The following PLA2G15 variants were observed in gnomAD, a reference collection of about 807,000 sequenced individuals.
The protein encoded by PLA2G15 is lysosomal phospholipase A and acyltransferase.
PLA2G15 carries 20 observed loss-of-function variants against 40.9 expected under a neutral mutation model. The observed-to-expected ratio is 0.49, with a 90% CI of 0.34 to 0.71. The LOEUF (loss-of-function observed/expected upper bound fraction) is 0.71. Among genes scored for constraint, PLA2G15 ranks in the 30% least tolerant of loss-of-function variants. The pLI, the probability that PLA2G15 is intolerant of heterozygous loss-of-function variation, is 0.01. For missense variants in PLA2G15, 471 were observed against 541.9 expected, an observed-to-expected ratio of 0.87 and a Z score of 1.30; for synonymous variants, 223 against 228.2, an observed-to-expected ratio of 0.98 and a Z score of 0.21.
intron 1 of PLA2G15, among the ~76,000 whole-genome samples, chr16:68,248,034 T>C (rs1273565167): frequency 6.6e-6 from 1 of 152,194 alleles, no homozygotes; most frequent in Non-Finnish European, 1.5e-5. Flanking sequence ...GGGCCTGGAC[T>C]GTGGTGATAA....
chr16:68,256,940 A>G (rs2151205863), intron 5 of PLA2G15, among the ~76,000 whole-genome samples: 1 of 148,852 alleles, frequency 6.7e-6, no homozygotes, highest in South Asian at 2.1e-4. Context: ...GGAGTGCAGT[A>G]GCGTGATTTT....
At position 68,259,454 on chromosome 16, in the gene PLA2G15, A is replaced by T. The variant is rs758553268; in HGVS notation, c.1036A>T (p.Ser346Cys). 1.1e-5 allele frequency: 18 copies of T among 1,613,592 alleles called. No homozygotes were observed. Among genetic ancestry groups the T allele is most frequent in the Non-Finnish European group, 1.4e-5 (17 of 1,179,980 alleles). Residue 346 changes from serine to cysteine, a missense_variant, in exon 6 of 6, where the codon AGC becomes TGC. Transcript: ENST00000219345. The surrounding 1 kb of genome is among the most constrained non-coding windows in gnomAD (Gnocchi z 6.5). The part of the protein sequence containing the change: ...VPTPDSFYYE[S>C]FPDRDPKICF... ...CACACCAGACTCCTTCTACTATGAGAGCTTCCCTGACCGTGACCCTAAAAT... is the reference window on the plus strand; with the variant it reads ...CACACCAGACTCCTTCTACTATGAGTGCTTCCCTGACCGTGACCCTAAAAT...
At chr16:68,252,364 C>T (rs1250142864) in intron 2 of PLA2G15, among the ~76,000 whole-genome samples, 2 of 152,100 alleles carry the variant, frequency 1.3e-5, no homozygotes, top group Non-Finnish European at 2.9e-5. Flanking sequence ...CTCCAGGTTC[C>T]TGTGTTTTGG....
intron 1 of PLA2G15, 113 bp downstream of exon 1, chr16:68,245,666 T>A: frequency 8.1e-7 from 1 of 1,228,504 alleles, no homozygotes. Context: ...CGTATTGGTA[T>A]CTGTCTTGTC....
At chr16:68,247,986 A>G (rs1177853514) in intron 1 of PLA2G15, among the ~76,000 whole-genome samples, 2 of 152,188 alleles carry the variant, frequency 1.3e-5, no homozygotes, top group Admixed American at 6.5e-5. Context: ...TTCTGAGTAC[A>G]CTGAATAGGA....
At position 68,255,978 on chromosome 16, in the gene PLA2G15, G is replaced by T; in HGVS notation, c.715G>T (p.Val239Phe). ...PWGGVAKTLRVLASGDNNRIP... is the reference protein window; with the variant it reads ...PWGGVAKTLRFLASGDNNRIP... ...GGGGGGCGTGGCCAAGACCCTGCGC[G>T]TCCTGGCTTCAGGTAAGACCCTACC... The change falls in exon 5 of 6, where the codon GTC (valine) becomes TTC (phenylalanine). Residue 239 changes from valine to phenylalanine, a missense_variant. By Grantham distance (50) the Val-to-Phe change is conservative. Coordinates refer to ENST00000219345, the MANE Select transcript of PLA2G15 (RefSeq NM_012320.4). This position sits in a 1 kb window ranked among gnomAD's most constrained non-coding sequence, Gnocchi z 5.9. 6.2e-7 allele frequency: 1 copy of T among 1,603,236 alleles called. No individual in the cohort carries two copies.
At chr16:68,249,566 C>G (rs542827340) in intron 2 of PLA2G15, 120 bp downstream of exon 2, 1 of 935,304 alleles carries the variant, frequency 1.1e-6, no homozygotes, top group East Asian at 2.5e-5. Context: ...CCCAGGTCCT[C>G]GGTCTGGTCT....
Position 68,246,430 on chromosome 16 carries a change from T to C in PLA2G15, c.127+877T>C, listed in dbSNP as rs533657357. 2.0e-5 allele frequency among the ~76,000 whole-genome samples: 3 copies of C among 152,312 alleles called. No homozygotes were observed. The South Asian group carries it at 6.2e-4, about 32-fold the overall frequency. On this transcript the variant is annotated intron_variant, in intron 1 of 5. Transcript: ENST00000219345. ...AAAGCAGAGGCATCTGAGGCATGAATTACACGTGGAGTCTAGTGCAGCATG... is the reference window on the plus strand; with the variant it reads ...AAAGCAGAGGCATCTGAGGCATGAACTACACGTGGAGTCTAGTGCAGCATG...
Position 68,254,975 on chromosome 16 carries a change from G to A in PLA2G15, c.341G>A (p.Arg114His), listed in dbSNP as rs148525613. 3 of 1,614,064 alleles carry A rather than the reference G, an allele frequency of 1.9e-6. No individual in the cohort carries two copies. The highest frequency in any genetic ancestry group is 1.7e-5 in the Admixed American group (1 of 60,022). Reference protein sequence around the residue: ...ATQFPDGVDVRVPGFGKTFSL... With the variant: ...ATQFPDGVDVHVPGFGKTFSL... ...CAGTTTCCTGATGGTGTGGATGTAC[G>A]TGTCCCTGGCTTTGGGAAGACCTTC... The change falls in exon 3 of 6, where the codon CGT becomes CAT. Residue 114 changes from arginine to histidine, a missense_variant. Coordinates refer to ENST00000219345, the MANE Select transcript of PLA2G15 (RefSeq NM_012320.4).
intron 2 of PLA2G15, chr16:68,250,170 T>C (rs959351672): frequency 4.4e-4 from 120 of 275,126 alleles, no homozygotes; most frequent in African/African-American, 2.8e-3. Flanking sequence ...ATGGCTTCCA[T>C]TCACTTTTTT....
At chr16:68,254,260 C>T (rs995563170) in intron 2 of PLA2G15, 1 of 151,734 alleles carries the variant, frequency 6.6e-6, no homozygotes, top group Non-Finnish European at 1.5e-5. Context: ...AGTAAGTATG[C>T]CTTGGTGGGG....
Position 68,259,764 on chromosome 16 carries a change from C to G in PLA2G15, c.*107C>G. The G allele has an allele frequency of 9.7e-7, 1 of 1,035,138 alleles. No homozygotes were observed. Among genetic ancestry groups the G allele is most frequent in the Non-Finnish European group, 1.4e-6 (1 of 710,060 alleles). The allele number at this position is 1,035,138 out of a possible 1,614,324, so 64.1% of individuals were successfully genotyped here. A position where few individuals can be genotyped will look rare whatever the true frequency, so the allele number is the denominator to read the frequency against. On this transcript the variant is annotated 3_prime_UTR_variant, in exon 6 of 6. Transcript: ENST00000219345. This position sits in a 1 kb window ranked among gnomAD's most constrained non-coding sequence, Gnocchi z 6.5. ...AAGTTTGTGACTCACCATTCAAGGC[C>G]CCGAGTCTTGGACTGTGAAGCATCT...
chr16:68,250,561 A>G (rs1184657778), intron 2 of PLA2G15, among the ~76,000 whole-genome samples: 1 of 151,902 alleles, frequency 6.6e-6, no homozygotes, highest in Non-Finnish European at 1.5e-5. Flanking sequence ...GTGAGCCACC[A>G]CACCCAGCCC....
chr16:68,252,096 C>T (rs1184758145), intron 2 of PLA2G15, among the ~76,000 whole-genome samples: 2 of 152,224 alleles, frequency 1.3e-5, no homozygotes, highest in African/African-American at 4.8e-5. Flanking sequence ...TCTGCCTTCA[C>T]TGCTTCTCTG....
chr16:68,251,037 T>C (rs2042350817), intron 2 of PLA2G15, among the ~76,000 whole-genome samples: 1 of 152,166 alleles, frequency 6.6e-6, no homozygotes, highest in African/African-American at 2.4e-5. Context: ...CACTGTACAT[T>C]TTATATACTT....
chr16:68,259,741 G>A lies in PLA2G15; in HGVS notation c.*84G>A. ...TGTCATGGCCCACGCGTTTTGCAAA[G>A]TTTGTGACTCACCATTCAAGGCCCC... On this transcript the variant is annotated 3_prime_UTR_variant, in exon 6 of 6. Transcript: ENST00000219345. This position sits in a 1 kb window ranked among gnomAD's most constrained non-coding sequence, Gnocchi z 6.5. 2.2e-6 allele frequency: 3 copies of A among 1,340,814 alleles called. No individual in the cohort carries two copies. In the East Asian group the frequency reaches 6.9e-5, roughly 31 times the overall value. The allele number at this position is 1,340,814 out of a possible 1,614,324, so 83.1% of individuals were successfully genotyped here.
chr16:68,249,273 T>G lies in PLA2G15; in HGVS notation c.128-17T>G. 2 of 1,613,364 alleles carry G rather than the reference T, an allele frequency of 1.2e-6. No individual in the cohort carries two copies. Among genetic ancestry groups the G allele is most frequent in the Non-Finnish European group, 1.7e-6 (2 of 1,179,386 alleles). On this transcript the variant is annotated splice_polypyrimidine_tract_variant and intron_variant, in intron 1 of 5. Coordinates refer to ENST00000219345, the MANE Select transcript of PLA2G15 (RefSeq NM_012320.4). Reference sequence around the variant, plus strand: ...CTGCCGGGCTGAGGGCTCACACATGTCCTGTGCCCCCTGCAGTCCCTGGTG... The same window carrying G: ...CTGCCGGGCTGAGGGCTCACACATGGCCTGTGCCCCCTGCAGTCCCTGGTG...
Position 68,245,388 on chromosome 16 carries a change from T to C in PLA2G15, c.-39T>C. On this transcript the variant is annotated 5_prime_UTR_variant, in exon 1 of 6. Transcript: ENST00000219345. ...CCGCCTAGGCGAGAGCCCAGAGAGCTGAACCTGCATCCCGGACCTGCGGCG... is the reference window on the plus strand; with the variant it reads ...CCGCCTAGGCGAGAGCCCAGAGAGCCGAACCTGCATCCCGGACCTGCGGCG... The C allele has an allele frequency of 6.3e-7, 1 of 1,596,432 alleles. No individual in the cohort carries two copies. Among genetic ancestry groups the C allele is most frequent in the Non-Finnish European group, 8.5e-7 (1 of 1,176,744 alleles).
chr16:68,253,686 G>GT (rs1274710560), intron 2 of PLA2G15, among the ~76,000 whole-genome samples: 2 of 115,922 alleles, frequency 1.7e-5, no homozygotes, highest in Non-Finnish European at 3.6e-5. Flanking sequence ...AGTGTGTTTT[G>GT]TTTTGTTTTT....
Sources: allele counts gnomAD v4.1 joint callset (sites outside exome capture counted in the v4.1 genomes callset), GRCh38; gene constraint gnomAD v4.1.1; non-coding constraint Gnocchi (gnomAD v3.1); transcripts MANE v1.5; gene names NCBI Gene and HGNC (gene_info 2026-07-23, HGNC 2026-07-21).